Variants in TMTC2 observed in about 807,000 individuals in gnomAD.
The protein encoded by TMTC2 is transmembrane O-mannosyltransferase targeting cadherins 2, also known as protein O-mannosyl-transferase TMTC2.
Under a neutral mutation model 82.4 loss-of-function variants are expected in TMTC2, and 43 were observed. That is an observed-to-expected ratio of 0.52 (90% confidence interval 0.41 to 0.67). The LOEUF is 0.67. Among genes scored for constraint, TMTC2 ranks in the 30% least tolerant of loss-of-function variants. The probability of loss-of-function intolerance (pLI) is 0.00; values close to 1 mark genes in which losing one functional copy is unlikely to be tolerated. For missense variants in TMTC2, 919 were observed against 1,012.4 expected (o/e 0.91, Z 1.25); for synonymous variants, 408 against 381.9 (o/e 1.07, Z -0.80).
chr12:82,836,576 C>T (rs575819849), intron 1 of TMTC2, among the ~76,000 whole-genome samples: 15 of 152,230 alleles, frequency 9.9e-5, no homozygotes, highest in South Asian at 4.1e-4. Flanking sequence ...CTAGAGCCTC[C>T]GGAAGGAATA....
intron 2 of TMTC2, among the ~76,000 whole-genome samples, chr12:82,893,673 A>G (rs1873513045): frequency 6.6e-6 from 1 of 151,994 alleles, no homozygotes; most frequent in Non-Finnish European, 1.5e-5. Flanking sequence ...CTTATTTTAT[A>G]CTCAGAATTA....
At chr12:82,695,032 T>C (rs950876867) in intron 1 of TMTC2, among the ~76,000 whole-genome samples, 2 of 152,248 alleles carry the variant, frequency 1.3e-5, no homozygotes, top group Non-Finnish European at 2.9e-5. Context: ...GTATTTTAAC[T>C]TCAAAGGATG....
chr12:83,096,353 T>C (rs1884029487), intron 11 of TMTC2, among the ~76,000 whole-genome samples: 1 of 152,242 alleles, frequency 6.6e-6, no homozygotes, highest in Admixed American at 6.5e-5. Context: ...ACATCTCACA[T>C]TTCTGTTTGC....
intron 1 of TMTC2, among the ~76,000 whole-genome samples, chr12:82,834,912 C>T (rs1324522487): frequency 1.3e-5 from 2 of 151,886 alleles, no homozygotes; most frequent in Non-Finnish European, 2.9e-5. Flanking sequence ...CAATCTTGCC[C>T]TGTCGCCCAG....
At chr12:83,026,903 A>C (rs1436301814) in intron 8 of TMTC2, among the ~76,000 whole-genome samples, 2 of 152,152 alleles carry the variant, frequency 1.3e-5, no homozygotes, top group Non-Finnish European at 2.9e-5. Flanking sequence ...AAAATCAATT[A>C]GCTTAATACT....
chr12:83,067,581 A>T (rs1882965259), intron 11 of TMTC2, among the ~76,000 whole-genome samples: 1 of 151,984 alleles, frequency 6.6e-6, no homozygotes, highest in Non-Finnish European at 1.5e-5. Context: ...TAGGTAGTAA[A>T]TTATTTAAGT....
chr12:82,992,666 A>G (rs1879449906), intron 8 of TMTC2, among the ~76,000 whole-genome samples: 1 of 152,144 alleles, frequency 6.6e-6, no homozygotes, highest in African/African-American at 2.4e-5. Context: ...TCTGAAGCAT[A>G]ATGAATCTGA....
chr12:82,702,262 A>T (rs1873122712), intron 1 of TMTC2, among the ~76,000 whole-genome samples: 1 of 152,212 alleles, frequency 6.6e-6, no homozygotes, highest in Non-Finnish European at 1.5e-5. Context: ...CATTTCTTGT[A>T]TGTTACCTTA....
At chr12:82,795,176 G>A (rs1482193881) in intron 1 of TMTC2, among the ~76,000 whole-genome samples, 6 of 151,764 alleles carry the variant, frequency 4.0e-5, no homozygotes, top group African/African-American at 7.3e-5. Flanking sequence ...TTGGTGGCAC[G>A]TGTCTGTAAT....
intron 1 of TMTC2, among the ~76,000 whole-genome samples, chr12:82,801,210 G>A (rs1349729170): frequency 3.3e-5 from 5 of 151,960 alleles, no homozygotes; most frequent in African/African-American, 7.2e-5. Context: ...ATGAAGCCGC[G>A]GACCCTTGCG....
rs1309960295 is a variant in TMTC2 at position 82,908,239 on chromosome 12, T to C, written c.1483+11593T>C. 2.6e-5 allele frequency among the ~76,000 whole-genome samples: 4 copies of C among 152,208 alleles called. No individual in the cohort carries two copies. In the East Asian group the frequency reaches 5.8e-4, roughly 22 times the overall value. On this transcript the variant is annotated intron_variant, in intron 3 of 11. Coordinates refer to ENST00000321196, the MANE Select transcript of TMTC2 (RefSeq NM_152588.3). ...TAGTTTAAGGAATACTACTGAAATA[T>C]CTATTCTGTAGCTTATTAAAGGAAT...
intron 7 of TMTC2, among the ~76,000 whole-genome samples, chr12:82,969,621 C>G (rs140443895): frequency 6.6e-6 from 1 of 152,238 alleles, no homozygotes; most frequent in East Asian, 1.9e-4. Context: ...ATCGACTTAT[C>G]CTGAATGCCA....
intron 1 of TMTC2, among the ~76,000 whole-genome samples, chr12:82,822,227 A>G (rs894627798): frequency 1.3e-5 from 2 of 152,184 alleles, no homozygotes; most frequent in African/African-American, 4.8e-5. Flanking sequence ...GTGATATGTA[A>G]TGGTGGATAC....
chr12:83,026,594 A>G (rs924299202), intron 8 of TMTC2, among the ~76,000 whole-genome samples: 2 of 152,220 alleles, frequency 1.3e-5, no homozygotes, highest in Middle Eastern at 3.4e-3. Context: ...ATATTTGAGT[A>G]TAGTTTACTT....
chr12:82,741,642 C>T (rs1270143284), intron 1 of TMTC2, among the ~76,000 whole-genome samples: 1 of 152,134 alleles, frequency 6.6e-6, no homozygotes, highest in East Asian at 1.9e-4. Flanking sequence ...ACCAATCTGA[C>T]CTTCTTTACC....
intron 11 of TMTC2, among the ~76,000 whole-genome samples, chr12:83,116,298 G>GTA (rs1041967984): frequency 1.1e-4 from 16 of 151,954 alleles, no homozygotes; most frequent in Non-Finnish European, 1.6e-4. Context: ...GTGTGTGTGT[G>GTA]TATATATATA....
At chr12:82,752,274 C>T (rs1876052393) in intron 1 of TMTC2, among the ~76,000 whole-genome samples, 1 of 151,018 alleles carries the variant, frequency 6.6e-6, no homozygotes, top group Non-Finnish European at 1.5e-5. Flanking sequence ...CACCTGAGGT[C>T]AGGAGTTTGA....
intron 2 of TMTC2, among the ~76,000 whole-genome samples, chr12:82,875,800 C>CT (rs1324072271): frequency 2.0e-5 from 3 of 149,052 alleles, no homozygotes; most frequent in Non-Finnish European, 4.4e-5. Context: ...TTTTAATCCT[C>CT]TTTTTTCCCC....
intron 3 of TMTC2, among the ~76,000 whole-genome samples, chr12:82,916,668 T>C (rs1875019295): frequency 6.6e-6 from 1 of 152,190 alleles, no homozygotes; most frequent in Admixed American, 6.5e-5. Context: ...ATGTGGATAT[T>C]ACAGTATGCA....
Sources: allele counts gnomAD v4.1 joint callset (sites outside exome capture counted in the v4.1 genomes callset), GRCh38; gene constraint gnomAD v4.1.1; transcripts MANE v1.5; gene names NCBI Gene and HGNC (gene_info 2026-07-23, HGNC 2026-07-21).